Variants in GALNTL6 observed in about 807,000 individuals in gnomAD.
GALNTL6 encodes polypeptide N-acetylgalactosaminyltransferase-like 6.
GALNTL6 carries 46 observed loss-of-function variants against 73.7 expected under a neutral mutation model. The ratio of observed to expected loss-of-function variants is 0.62; its 90% CI spans 0.49 to 0.80. The LOEUF (loss-of-function observed/expected upper bound fraction) is 0.80, where lower values mean the gene tolerates loss of function less well. Ranked by LOEUF, GALNTL6 falls within the 30% of genes least tolerant of loss-of-function variation. The pLI, the probability that GALNTL6 is intolerant of heterozygous loss-of-function variation, is 0.00. For missense variants in GALNTL6, 604 were observed against 755.0 expected, an observed-to-expected ratio of 0.80 and a Z score of 2.34; for synonymous variants, 259 against 263.7, an observed-to-expected ratio of 0.98 and a Z score of 0.17.
At chr4:172,973,395 T>C (rs906955682) in intron 10 of GALNTL6, among the ~76,000 whole-genome samples, 4 of 152,164 alleles carry the variant, frequency 2.6e-5, no homozygotes, top group African/African-American at 9.6e-5. Flanking sequence ...AACTTCAGTC[T>C]ATAAGAAATT....
chr4:172,260,989 A>C (rs1369225760), intron 3 of GALNTL6, among the ~76,000 whole-genome samples: 1 of 151,196 alleles, frequency 6.6e-6, no homozygotes, highest in Non-Finnish European at 1.5e-5. Flanking sequence ...TTGATATGCT[A>C]TTGGATTTGG....
chr4:171,990,770 TACAC>T (rs1299782780), intron 2 of GALNTL6, among the ~76,000 whole-genome samples: 1 of 152,182 alleles, frequency 6.6e-6, no homozygotes, highest in Non-Finnish European at 1.5e-5. Flanking sequence ...CATTTAATGT[TACAC>T]AAACTTAGGA....
chr4:172,872,180 A>G (rs1744982269), intron 7 of GALNTL6, among the ~76,000 whole-genome samples: 1 of 152,258 alleles, frequency 6.6e-6, no homozygotes, highest in African/African-American at 2.4e-5. Flanking sequence ...CACAGTGGTC[A>G]TAAGAAGTAG....
chr4:171,985,397 C>T (rs1740038667), intron 2 of GALNTL6, among the ~76,000 whole-genome samples: 1 of 152,182 alleles, frequency 6.6e-6, no homozygotes. Flanking sequence ...AAACCACCCC[C>T]ATGATTCTAT....
intron 5 of GALNTL6, among the ~76,000 whole-genome samples, chr4:172,414,359 T>C (rs529231438): frequency 6.6e-6 from 1 of 152,124 alleles, no homozygotes; most frequent in Non-Finnish European, 1.5e-5. Flanking sequence ...ATTTCCAACT[T>C]ATATGTGTAT....
At chr4:172,466,079 T>C (rs368389620) in intron 5 of GALNTL6, among the ~76,000 whole-genome samples, 1 of 152,200 alleles carries the variant, frequency 6.6e-6, no homozygotes, top group African/African-American at 2.4e-5. Context: ...ATAAAATGCG[T>C]CTTTAATAAC....
chr4:172,753,749 TG>T (rs1481814993), intron 5 of GALNTL6, among the ~76,000 whole-genome samples: 1 of 152,216 alleles, frequency 6.6e-6, no homozygotes, highest in Admixed American at 6.5e-5. Flanking sequence ...TAGATTAGTT[TG>T]CTAGGCAGTT....
intron 2 of GALNTL6, among the ~76,000 whole-genome samples, chr4:172,082,358 A>T (rs1698538436): frequency 6.6e-6 from 1 of 152,204 alleles, no homozygotes; most frequent in South Asian, 2.1e-4. Context: ...TGAATTTGAG[A>T]TGCCTTTCAG....
intron 10 of GALNTL6, among the ~76,000 whole-genome samples, chr4:172,959,449 G>A (rs1026521480): frequency 6.6e-6 from 1 of 152,048 alleles, no homozygotes; most frequent in African/African-American, 2.4e-5. Context: ...AAGCCTGGCC[G>A]TCAATACCTA....
chr4:172,196,513 A>G (rs1325534323), intron 2 of GALNTL6, among the ~76,000 whole-genome samples: 1 of 152,200 alleles, frequency 6.6e-6, no homozygotes, highest in Non-Finnish European at 1.5e-5. Context: ...CTTCAGGCCA[A>G]TATCCCTGCT....
chr4:172,780,681 A>G (rs1161066353), intron 5 of GALNTL6, among the ~76,000 whole-genome samples: 1 of 152,246 alleles, frequency 6.6e-6, no homozygotes, highest in Non-Finnish European at 1.5e-5. Flanking sequence ...TTCATTCATA[A>G]CAGTAAAATG....
chr4:171,903,230 A>G (rs1422849231), intron 2 of GALNTL6, among the ~76,000 whole-genome samples: 1 of 152,112 alleles, frequency 6.6e-6, no homozygotes, highest in Non-Finnish European at 1.5e-5. Flanking sequence ...CATCTGAGGT[A>G]CCGGGTTCAT....
intron 9 of GALNTL6, among the ~76,000 whole-genome samples, chr4:172,948,767 GC>G (rs1306530235): frequency 6.6e-6 from 1 of 151,994 alleles, no homozygotes; most frequent in Non-Finnish European, 1.5e-5. Context: ...ACGGCACCTG[GC>G]CATTTTGGAG....
intron 3 of GALNTL6, among the ~76,000 whole-genome samples, chr4:172,242,365 A>T (rs375905350): frequency 2.0e-5 from 3 of 152,166 alleles, no homozygotes; most frequent in African/African-American, 7.2e-5. Flanking sequence ...TTGTGAAATC[A>T]TTATATCACT....
chr4:172,277,332 G>A (rs1738869943), intron 3 of GALNTL6, among the ~76,000 whole-genome samples: 1 of 152,088 alleles, frequency 6.6e-6, no homozygotes, highest in Non-Finnish European at 1.5e-5. Flanking sequence ...CATTTAATGG[G>A]TTGACGCTGT....
At chr4:172,304,171 G>A (rs536222729) in intron 3 of GALNTL6, among the ~76,000 whole-genome samples, 6 of 152,232 alleles carry the variant, frequency 3.9e-5, no homozygotes, top group African/African-American at 1.4e-4. Context: ...CTTAATATGT[G>A]CTTTTGAATA....
chr4:172,485,878 A>T (rs1733647605), intron 5 of GALNTL6, among the ~76,000 whole-genome samples: 2 of 152,138 alleles, frequency 1.3e-5, no homozygotes, highest in African/African-American at 4.8e-5. Flanking sequence ...CAGTAAAGGG[A>T]TGTGCGTTGA....
rs138658272 is a variant in GALNTL6 at position 172,837,128 on chromosome 4, G to T, written c.923+23405G>T. 2.7e-3 allele frequency among the ~76,000 whole-genome samples: 418 copies of T among 152,276 alleles called. 1 individual carries two copies. Among genetic ancestry groups the T allele is most frequent in the African/African-American group, 9.7e-3 (402 of 41,564 alleles). On this transcript the variant is annotated intron_variant, in intron 7 of 12. Coordinates refer to ENST00000506823, the MANE Select transcript of GALNTL6 (RefSeq NM_001034845.3). ...AACAATAGGCAAAATGGTTACAAGG[G>T]CCATAGCCTGACCAGCTTTATACAA...
At chr4:172,755,546 G>T (rs538362440) in intron 5 of GALNTL6, among the ~76,000 whole-genome samples, 13 of 152,306 alleles carry the variant, frequency 8.5e-5, no homozygotes, top group South Asian at 6.2e-4. Flanking sequence ...AAGGGTGGAA[G>T]CCTGGAGAAC....
Sources: allele counts gnomAD v4.1 joint callset (sites outside exome capture counted in the v4.1 genomes callset), GRCh38; gene constraint gnomAD v4.1.1; transcripts MANE v1.5; gene names NCBI Gene and HGNC (gene_info 2026-07-23, HGNC 2026-07-21).